Variants in POFUT4 observed in about 807,000 individuals in gnomAD.
The protein encoded by POFUT4 is GDP-fucose protein O-fucosyltransferase 4.
chr10:73,772,713 T>TCCGCGCGTCGG, the POFUT4 span: 38 of 1,585,112 alleles, frequency 2.4e-5, no homozygotes, highest in Non-Finnish European at 3.2e-5. Flanking sequence ...GGCACAGACT[T>TCCGCGCGTCGG]CCGCGCGTCG....
the POFUT4 span, among the ~76,000 whole-genome samples, chr10:73,776,537 A>G: frequency 3.3e-5 from 5 of 152,098 alleles, no homozygotes; most frequent in African/African-American, 1.2e-4. Flanking sequence ...AAGAATTAGC[A>G]GGGCATGGTG....
At chr10:73,778,358 A>G in the POFUT4 span, among the ~76,000 whole-genome samples, 2 of 141,002 alleles carry the variant, frequency 1.4e-5, no homozygotes, top group East Asian at 4.2e-4. Context: ...GCACCATTGC[A>G]CTCCAGCCTG....
chr10:73,773,621 G>A, the POFUT4 span: 1 of 1,614,226 alleles, frequency 6.2e-7, no homozygotes, highest in African/African-American at 1.3e-5. Context: ...ATCCTTTGCT[G>A]CCTAACTACC....
At chr10:73,777,681 A>T in the POFUT4 span, among the ~76,000 whole-genome samples, 2 of 151,432 alleles carry the variant, frequency 1.3e-5, no homozygotes, top group Admixed American at 1.3e-4. Context: ...CAGCCTCCCT[A>T]GTAGTGGGGA....
At chr10:73,772,774 G>A in the POFUT4 span, 3 of 1,609,404 alleles carry the variant, frequency 1.9e-6, no homozygotes, top group South Asian at 2.2e-5. Context: ...TCCTCCACGA[G>A]GAGTCGCCCC....
the POFUT4 span, chr10:73,772,354 G>T: frequency 2.0e-6 from 3 of 1,498,336 alleles, no homozygotes; most frequent in South Asian, 2.7e-5. Context: ...GCCCCATTAG[G>T]GTGGTGTTGG....
chr10:73,773,787 A>T, the POFUT4 span: 1 of 1,587,562 alleles, frequency 6.3e-7, no homozygotes, highest in South Asian at 1.1e-5. Flanking sequence ...TGGCTTTGGC[A>T]ATGTGGAAGA....
At chr10:73,773,925 G>T in the POFUT4 span, 1 of 1,225,060 alleles carries the variant, frequency 8.2e-7, no homozygotes, top group South Asian at 1.5e-5. Flanking sequence ...ATTATCACAT[G>T]GGCTCATTCT....
At chr10:73,774,139 T>C in the POFUT4 span, 5 of 257,572 alleles carry the variant, frequency 1.9e-5, no homozygotes, top group Non-Finnish European at 3.7e-5. Context: ...GGGACAAGGC[T>C]ATAAATATCA....
chr10:73,772,868 C>T, the POFUT4 span: 1 of 1,612,398 alleles, frequency 6.2e-7, no homozygotes, highest in Middle Eastern at 1.7e-4. Flanking sequence ...GGATTACCCG[C>T]TGTCGCTGCA....
chr10:73,774,001 A>G, the POFUT4 span: 1 of 608,304 alleles, frequency 1.6e-6, no homozygotes, highest in Non-Finnish European at 2.7e-6. Flanking sequence ...ATAGATGTAA[A>G]ATATAATTCA....
At chr10:73,778,391 C>CAAAA in the POFUT4 span, among the ~76,000 whole-genome samples, 2 of 43,042 alleles carry the variant, frequency 4.6e-5, no homozygotes, top group Non-Finnish European at 1.0e-4. Flanking sequence ...AACTCCATCC[C>CAAAA]AAAAAAAAAA....
At chr10:73,775,347 T>G in the POFUT4 span, 28 of 1,337,236 alleles carry the variant, frequency 2.1e-5, no homozygotes, top group Non-Finnish European at 1.7e-5. Flanking sequence ...GTGTGATGTC[T>G]TTGTGTTTGT....
the POFUT4 span, chr10:73,774,495 T>C: frequency 6.6e-6 from 1 of 151,964 alleles, no homozygotes; most frequent in African/African-American, 2.4e-5. Context: ...TATAATATAA[T>C]ATATTGACCA....
At chr10:73,779,627 A>G in the POFUT4 span, 1 of 152,232 alleles carries the variant, frequency 6.6e-6, no homozygotes, top group Non-Finnish European at 1.5e-5. Flanking sequence ...GGTCAAATGC[A>G]GGACTGATTT....
chr10:73,774,538 A>C, the POFUT4 span: 1 of 152,124 alleles, frequency 6.6e-6, no homozygotes, highest in African/African-American at 2.4e-5. Context: ...CTCTCTGTAC[A>C]ATTTAAAAAC....
chr10:73,772,625 T>C, the POFUT4 span: 3 of 1,559,668 alleles, frequency 1.9e-6, no homozygotes, highest in Non-Finnish European at 2.6e-6. Flanking sequence ...GCGCATCGAG[T>C]GTGCGCGCGG....
chr10:73,777,833 G>A, the POFUT4 span, among the ~76,000 whole-genome samples: 6 of 151,578 alleles, frequency 4.0e-5, no homozygotes, highest in East Asian at 9.7e-4. Flanking sequence ...GGGATTACAG[G>A]CGTGAGCCAC....
At chr10:73,773,317 C>T in the POFUT4 span, 5 of 1,614,132 alleles carry the variant, frequency 3.1e-6, no homozygotes, top group Non-Finnish European at 4.2e-6. Flanking sequence ...TTCCACTTGG[C>T]CCTGGAAAAT....
Sources: allele counts gnomAD v4.1 joint callset (sites outside exome capture counted in the v4.1 genomes callset), GRCh38; gene constraint gnomAD v4.1.1; transcripts MANE v1.5; gene names NCBI Gene and HGNC (gene_info 2026-07-23, HGNC 2026-07-21).